PPP3CA: variants seen among roughly 807,000 people sequenced by gnomAD.
The protein encoded by PPP3CA is CAM-PRP catalytic subunit.
Under a neutral mutation model 66.5 loss-of-function variants are expected in PPP3CA, and 14 were observed. That is an observed-to-expected ratio of 0.21 (90% CI 0.14 to 0.33). PPP3CA has a LOEUF of 0.33. Among genes scored for constraint, PPP3CA ranks in the 10% least tolerant of loss-of-function variants. PPP3CA has a pLI of 1.00. For synonymous variants in PPP3CA, 232 were observed against 226.2 expected, an observed-to-expected ratio of 1.03 and a Z score of -0.23; for missense variants, 317 against 639.5, an observed-to-expected ratio of 0.50 and a Z score of 5.44.
intron 1 of PPP3CA, among the ~76,000 whole-genome samples, chr4:101,332,370 T>C (rs1048863920): frequency 1.3e-5 from 2 of 152,068 alleles, no homozygotes; most frequent in African/African-American, 2.4e-5. Flanking sequence ...CAAGATGAGA[T>C]AGCAAAAAGT....
intron 1 of PPP3CA, among the ~76,000 whole-genome samples, chr4:101,311,884 CT>C (rs528023230): frequency 4.1e-4 from 62 of 152,056 alleles, no homozygotes; most frequent in Middle Eastern, 3.4e-3. Context: ...AATTTATTAC[CT>C]TTTTTTTATC....
chr4:101,056,592 A>C (rs1728232941), intron 10 of PPP3CA, among the ~76,000 whole-genome samples: 1 of 152,158 alleles, frequency 6.6e-6, no homozygotes, highest in Non-Finnish European at 1.5e-5. Context: ...AATATTGAGA[A>C]GGGCTTGATA....
chr4:101,094,201 C>T (rs1730090280), intron 5 of PPP3CA, among the ~76,000 whole-genome samples: 1 of 152,090 alleles, frequency 6.6e-6, no homozygotes, highest in Admixed American at 6.6e-5. Flanking sequence ...CTAGATTTCG[C>T]AGTTTCTCAT....
intron 1 of PPP3CA, among the ~76,000 whole-genome samples, chr4:101,206,894 A>C (rs1725147370): frequency 6.6e-6 from 1 of 152,218 alleles, no homozygotes; most frequent in African/African-American, 2.4e-5. Flanking sequence ...TGAAACCTTC[A>C]GTTAGTAAAT....
chr4:101,250,427 T>C (rs1726637631), intron 1 of PPP3CA: 2 of 449,772 alleles, frequency 4.4e-6, no homozygotes, highest in African/African-American at 2.0e-5. Flanking sequence ...AGAATATATT[T>C]AATAGATTAT....
intron 1 of PPP3CA, among the ~76,000 whole-genome samples, chr4:101,241,514 A>T (rs1276503034): frequency 6.6e-6 from 1 of 152,166 alleles, no homozygotes; most frequent in Non-Finnish European, 1.5e-5. Flanking sequence ...AAATTATTCC[A>T]ATCATTTTAT....
intron 2 of PPP3CA, among the ~76,000 whole-genome samples, chr4:101,165,706 C>T (rs189775255): frequency 7.2e-5 from 11 of 152,228 alleles, no homozygotes. Flanking sequence ...AAGCACAAAG[C>T]AGCCTTTTAT....
At chr4:101,131,245 T>TAAAG in intron 2 of PPP3CA, among the ~76,000 whole-genome samples, 1 of 118,688 alleles carries the variant, frequency 8.4e-6, no homozygotes, top group African/African-American at 2.7e-5. Flanking sequence ...TCAAAATAAA[T>TAAAG]AAATAAATAA....
At chr4:101,104,500 A>AT in intron 3 of PPP3CA, among the ~76,000 whole-genome samples, 1 of 151,752 alleles carries the variant, frequency 6.6e-6, no homozygotes, top group South Asian at 2.1e-4. Flanking sequence ...TGAATATACT[A>AT]TGGCAAAGGC....
At chr4:101,332,022 G>C (rs1159959874) in intron 1 of PPP3CA, among the ~76,000 whole-genome samples, 1 of 152,164 alleles carries the variant, frequency 6.6e-6, no homozygotes, top group East Asian at 1.9e-4. Context: ...TGAAAGCAGA[G>C]ACACTGATGT....
intron 2 of PPP3CA, 87 bp from the exon 3 acceptor site, chr4:101,109,165 T>C (rs776215586): frequency 2.3e-6 from 3 of 1,327,986 alleles, no homozygotes; most frequent in Non-Finnish European, 2.1e-6. Context: ...GAACCAGAAT[T>C]AATTTCAAGT....
intron 1 of PPP3CA, among the ~76,000 whole-genome samples, chr4:101,270,598 G>A (rs10516470): frequency 0.65 from 99,220 of 151,946 alleles, 33,492 homozygotes; most frequent in Non-Finnish European, 0.75. Context: ...GTATTGGTCT[G>A]TTAAATGGTC....
chr4:101,053,504 AAGTC>A (rs1728097600), intron 10 of PPP3CA, among the ~76,000 whole-genome samples: 2 of 152,134 alleles, frequency 1.3e-5, no homozygotes, highest in Admixed American at 6.6e-5. Flanking sequence ...ATTTTATTCT[AAGTC>A]AGCAACTTGG....
intron 1 of PPP3CA, among the ~76,000 whole-genome samples, chr4:101,264,787 G>T (rs112962174): frequency 1.3e-5 from 2 of 152,110 alleles, no homozygotes; most frequent in African/African-American, 4.8e-5. Flanking sequence ...AGGAGCCAGG[G>T]GAGGCAAAGT....
At chr4:101,188,667 AG>A (rs1474032184) in intron 2 of PPP3CA, among the ~76,000 whole-genome samples, 1 of 152,110 alleles carries the variant, frequency 6.6e-6, no homozygotes, top group Non-Finnish European at 1.5e-5. Flanking sequence ...GCTCTTTTGA[AG>A]GCTTTTCCCT....
At position 101,032,284 on chromosome 4, in the gene PPP3CA, T is replaced by C. The variant is rs746729174; in HGVS notation, c.1322A>G (p.Lys441Arg). 1 of 1,606,146 alleles carries C rather than the reference T, an allele frequency of 6.2e-7. No individual in the cohort carries two copies. Among genetic ancestry groups the C allele is most frequent in the Non-Finnish European group, 8.5e-7 (1 of 1,176,744 alleles). ...CTGCTTACCGCTTTGCAGGGTTTGC[T>C]TCCCTCCAGAAAGTACTCCGCTGGG... is the stretch of plus-strand genomic sequence containing the variant. ...MLPSGVLSGG[K>R]QTLQSATVEA... The change falls in exon 12 of 14, where the codon AAG (lysine) becomes AGG (arginine). Residue 441 changes from lysine to arginine, a missense_variant. Lys to Arg is a conservative substitution (Grantham distance 26, BLOSUM62 2). Around this residue, in one of 3 missense-constraint regions of PPP3CA, gnomAD observed 201 missense variants for 501.4 expected, o/e 0.40. Coordinates refer to ENST00000394854, the MANE Select transcript of PPP3CA (RefSeq NM_000944.5).
chr4:101,067,741 A>G (rs1728743439), intron 8 of PPP3CA, among the ~76,000 whole-genome samples: 1 of 151,414 alleles, frequency 6.6e-6, no homozygotes, highest in Admixed American at 6.6e-5. Context: ...GGTGCAGCAC[A>G]GCAACATGGC....
intron 11 of PPP3CA, among the ~76,000 whole-genome samples, chr4:101,035,721 C>T (rs1351588354): frequency 6.6e-6 from 1 of 152,106 alleles, no homozygotes; most frequent in Non-Finnish European, 1.5e-5. Flanking sequence ...TTGTGACTGC[C>T]ATTCCTGCCT....
chr4:101,136,106 A>T (rs1033248974), intron 2 of PPP3CA, among the ~76,000 whole-genome samples: 1 of 152,206 alleles, frequency 6.6e-6, no homozygotes, highest in African/African-American at 2.4e-5. Context: ...TAAACAACAA[A>T]ATGTTTTCCT....
Sources: allele counts gnomAD v4.1 joint callset (sites outside exome capture counted in the v4.1 genomes callset), GRCh38; gene constraint gnomAD v4.1.1; regional missense constraint gnomAD v4.1.1; transcripts MANE v1.5; gene names NCBI Gene and HGNC (gene_info 2026-07-23, HGNC 2026-07-21).